The following CATSPERE variants were observed in gnomAD, a reference collection of about 807,000 sequenced individuals.
The protein encoded by CATSPERE is catsper channel auxiliary subunit epsilon, also known as cation channel sperm-associated auxiliary subunit epsilon.
CATSPERE carries 93 observed loss-of-function variants against 114.1 expected under a neutral mutation model. The observed-to-expected ratio is 0.81, with a 90% CI of 0.69 to 0.97. The LOEUF (loss-of-function observed/expected upper bound fraction) is 0.97. CATSPERE is among the 50% of genes least tolerant of loss of function. The pLI is 0.00. For missense variants in CATSPERE, 1,058 were observed against 1,131.6 expected, an observed-to-expected ratio of 0.93 and a Z score of 0.93; for synonymous variants, 341 against 384.1, an observed-to-expected ratio of 0.89 and a Z score of 1.31.
In CATSPERE at chr1:244,517,112, A is replaced by G. The variant is rs569681372; in HGVS notation, c.430-1480A>G. On this transcript the variant is annotated intron_variant, in intron 7 of 21. Transcript: ENST00000366534. The stretch of plus-strand genomic sequence containing the variant: ...CCTGTACTTGGTAAATCTGAAGAAA[A>G]CACTAATGTGGTTTTTGCCTTTTTG... Among the ~76,000 whole-genome samples, 95 of 152,068 alleles carry G rather than the reference A, an allele frequency of 6.2e-4. 3 individuals carry two copies. The highest frequency in any genetic ancestry group is 2.2e-3 in the African/African-American group (91 of 41,380).
intron 1 of CATSPERE, among the ~76,000 whole-genome samples, chr1:244,455,978 T>A (rs769362992): frequency 1.3e-5 from 2 of 152,282 alleles, no homozygotes; most frequent in South Asian, 4.1e-4. Context: ...GTAGGAAATA[T>A]ACTTTAGGAG....
chr1:244,530,885 A>C (rs1232275971), intron 8 of CATSPERE, among the ~76,000 whole-genome samples: 1 of 152,106 alleles, frequency 6.6e-6, no homozygotes, highest in East Asian at 1.9e-4. Context: ...TTCTGAATTT[A>C]TATATCAGTT....
rs187059020 is a variant in CATSPERE, at chr1:244,528,330, A to G, written c.536+9632A>G. 1.2e-3 allele frequency among the ~76,000 whole-genome samples: 181 copies of G among 152,340 alleles called. 2 individuals carry two copies. The highest frequency in any genetic ancestry group is 4.3e-3 in the African/African-American group (178 of 41,584). The stretch of plus-strand genomic sequence containing the variant: ...ATACACTATACAACAGTAAAAATAT[A>G]CAAAGCAACACTAATCAGTATGAAT... On this transcript the variant is annotated intron_variant, in intron 8 of 21. Coordinates refer to ENST00000366534, the MANE Select transcript of CATSPERE (RefSeq NM_001130957.2).
intron 9 of CATSPERE, among the ~76,000 whole-genome samples, chr1:244,553,612 C>CACACACACACATATATACAT (rs1558484693): frequency 8.7e-4 from 111 of 127,148 alleles, no homozygotes; most frequent in African/African-American, 3.9e-3. Context: ...TACACACACA[C>CACACACACACATATATACAT]ACACACACAC....
Position 244,572,429 on chromosome 1 carries a change from A to T in CATSPERE, c.1607A>T (p.Tyr536Phe). The T allele has an allele frequency of 6.2e-7, 1 of 1,608,080 alleles. No individual in the cohort carries two copies. The highest frequency in any genetic ancestry group is 8.5e-7 in the Non-Finnish European group (1 of 1,174,406). ...GTAAAGCTGCATTTATGGACAAATT[A>T]CACAACAAGAGCATTCATTTTCTTA... is the stretch of plus-strand genomic sequence containing the variant. ...DAVKLHLWTN[Y>F]TTRAFIFLST... Residue 536 changes from tyrosine to phenylalanine, a missense_variant, in exon 11 of 22, where the codon TAC (tyrosine) becomes TTC (phenylalanine). By Grantham distance (22) the Tyr-to-Phe change is conservative. Coordinates refer to ENST00000366534, the MANE Select transcript of CATSPERE (RefSeq NM_001130957.2).
In CATSPERE at chr1:244,490,485, T is replaced by G; in HGVS notation, c.351+14T>G. On this transcript the variant is annotated intron_variant, in intron 6 of 21. Coordinates refer to ENST00000366534, the MANE Select transcript of CATSPERE (RefSeq NM_001130957.2). ...AACTTTACCCAGGTAAAATATTTTT[T>G]AAATTTTGTATAGCCTTCATATATC... The G allele has an allele frequency of 1.4e-6, 2 of 1,380,184 alleles. No individual in the cohort carries two copies. Among genetic ancestry groups the G allele is most frequent in the Non-Finnish European group, 2.1e-6 (2 of 973,334 alleles). The allele number at this position is 1,380,184 out of a possible 1,614,324, so 85.5% of individuals were successfully genotyped here.
At position 244,499,746 on chromosome 1, in the gene CATSPERE, A is replaced by C. The variant is rs3124067; in HGVS notation, c.429+667A>C. Among the ~76,000 whole-genome samples, 850 of 152,120 alleles carry C rather than the reference A, an allele frequency of 5.6e-3. 11 individuals are homozygous for C. The highest frequency in any genetic ancestry group is 0.02 in the African/African-American group (810 of 41,492). The stretch of plus-strand genomic sequence containing the variant: ...ATTTTCTTTATCCAGTCTCTCATTG[A>C]TGGGCATCTGGGTTGGTTCCAAGTC... On this transcript the variant is annotated intron_variant, in intron 7 of 21. Transcript: ENST00000366534.
chr1:244,591,863 A>C, intron 15 of CATSPERE, 132 bp downstream of exon 15: 1 of 573,884 alleles, frequency 1.7e-6, no homozygotes, highest in Non-Finnish European at 3.1e-6. Flanking sequence ...CAGTTTTAGC[A>C]TTAAGCAAAA....
chr1:244,478,015 T>C, intron 4 of CATSPERE, 40 bp downstream of exon 4: 1 of 1,391,666 alleles, frequency 7.2e-7, no homozygotes. Context: ...TCTTGAATAA[T>C]CATCCTGTTA....
At chr1:244,467,136 A>T (rs1353659639) in intron 2 of CATSPERE, among the ~76,000 whole-genome samples, 1 of 152,136 alleles carries the variant, frequency 6.6e-6, no homozygotes, top group African/African-American at 2.4e-5. Context: ...GTTAATTTTT[A>T]CTAAATAACT....
chr1:244,461,414 A>G lies in CATSPERE; in HGVS notation c.-16A>G, dbSNP rs1666744557. 1 of 1,359,488 alleles carries G rather than the reference A, an allele frequency of 7.4e-7. No individual in the cohort carries two copies. The highest frequency in any genetic ancestry group is 9.6e-7 in the Non-Finnish European group (1 of 1,046,496). The allele number at this position is 1,359,488 out of a possible 1,614,324, so 84.2% of individuals were successfully genotyped here. Reference sequence around the variant, plus strand: ...GGGAGTGGCCGAGGCGGTTGGGCGGAGGCGGAGCAGGCGCCATGTCAGCCC... The same window carrying G: ...GGGAGTGGCCGAGGCGGTTGGGCGGGGGCGGAGCAGGCGCCATGTCAGCCC... On this transcript the variant is annotated 5_prime_UTR_variant, in exon 1 of 22. Transcript: ENST00000366534.
intron 20 of CATSPERE, 60 bp from the exon 21 acceptor site, chr1:244,635,429 G>A (rs1674507227): frequency 6.5e-6 from 8 of 1,230,188 alleles, no homozygotes; most frequent in Non-Finnish European, 6.0e-6. Context: ...GGGACATGGA[G>A]AGCGTTTTAA....
chr1:244,610,515 G>C (rs371561975), intron 19 of CATSPERE, 189 bp downstream of exon 19: 14 of 681,258 alleles, frequency 2.1e-5, no homozygotes, highest in Admixed American at 4.2e-5. Context: ...ATCTTTTGTT[G>C]GTTCTGTGTT....
chr1:244,566,580 G>A (rs1663537949), intron 10 of CATSPERE, among the ~76,000 whole-genome samples: 1 of 146,302 alleles, frequency 6.8e-6, no homozygotes, highest in Non-Finnish European at 1.5e-5. Context: ...ATTATGTAAT[G>A]CCCTTCTTTG....
intron 7 of CATSPERE, among the ~76,000 whole-genome samples, chr1:244,507,965 T>C (rs1675069311): frequency 6.6e-6 from 1 of 152,202 alleles, no homozygotes; most frequent in Admixed American, 6.5e-5. Context: ...CTTTTGTGGT[T>C]CCATATGAAT....
At chr1:244,616,105 G>C (rs1671363310) in intron 19 of CATSPERE, among the ~76,000 whole-genome samples, 1 of 152,020 alleles carries the variant, frequency 6.6e-6, no homozygotes, top group South Asian at 2.1e-4. Context: ...CTCCAGCCGG[G>C]GTGTCAGAGC....
intron 7 of CATSPERE, among the ~76,000 whole-genome samples, chr1:244,508,357 G>A (rs1331636902): frequency 6.8e-6 from 1 of 147,850 alleles, no homozygotes; most frequent in Non-Finnish European, 1.5e-5. Flanking sequence ...TTGGAGTGCA[G>A]TGGCGCGATC....
chr1:244,609,164 C>T (rs1572989273), intron 18 of CATSPERE, among the ~76,000 whole-genome samples: 1 of 151,952 alleles, frequency 6.6e-6, no homozygotes, highest in East Asian at 1.9e-4. Flanking sequence ...CCAGCCTGGG[C>T]AACAGAGCAA....
chr1:244,628,036 A>G (rs983261142), intron 20 of CATSPERE, among the ~76,000 whole-genome samples: 1 of 152,220 alleles, frequency 6.6e-6, no homozygotes, highest in Non-Finnish European at 1.5e-5. Flanking sequence ...CGTTAAAGCA[A>G]TACTGTTGTG....
Sources: allele counts gnomAD v4.1 joint callset (sites outside exome capture counted in the v4.1 genomes callset), GRCh38; gene constraint gnomAD v4.1.1; transcripts MANE v1.5; gene names NCBI Gene and HGNC (gene_info 2026-07-23, HGNC 2026-07-21).